The following WNT2 variants were observed in gnomAD, a reference collection of about 807,000 sequenced individuals.
The protein encoded by WNT2 is protein Wnt-2.
WNT2 carries 12 observed loss-of-function variants against 36.9 expected under a neutral mutation model. That is an observed-to-expected ratio of 0.33 (90% CI 0.21 to 0.53). The LOEUF is 0.53. WNT2 is among the 20% of genes least tolerant of loss of function. The probability of loss-of-function intolerance (pLI) is 0.95; values close to 1 mark genes in which losing one functional copy is unlikely to be tolerated. For synonymous variants in WNT2, 163 were observed against 174.6 expected (o/e 0.93, Z 0.52); for missense variants, 379 against 473.1 (o/e 0.80, Z 1.84).
chr7:117,303,727 G>C (rs1562827536), intron 3 of WNT2, among the ~76,000 whole-genome samples: 1 of 152,184 alleles, frequency 6.6e-6, no homozygotes. Context: ...ATTATTAACT[G>C]CACAGCCAAG....
At chr7:117,300,403 T>C (rs1794881519) in intron 3 of WNT2, among the ~76,000 whole-genome samples, 1 of 152,140 alleles carries the variant, frequency 6.6e-6, no homozygotes, top group African/African-American at 2.4e-5. Flanking sequence ...GCCAGGATGG[T>C]CTTGATCTCT....
chr7:117,311,036 A>T (rs1255604447), intron 3 of WNT2, among the ~76,000 whole-genome samples: 1 of 152,202 alleles, frequency 6.6e-6, no homozygotes, highest in African/African-American at 2.4e-5. Flanking sequence ...GTAATTCCTT[A>T]ATAAAATAAC....
chr7:117,305,281 G>A (rs565828833), intron 3 of WNT2, among the ~76,000 whole-genome samples: 3 of 152,228 alleles, frequency 2.0e-5, no homozygotes, highest in African/African-American at 7.2e-5. Flanking sequence ...TTTATCTTTT[G>A]GGCTTTTTGA....
chr7:117,319,399 AT>A (rs1470627121), intron 2 of WNT2, among the ~76,000 whole-genome samples: 28 of 151,944 alleles, frequency 1.8e-4, no homozygotes, highest in African/African-American at 6.5e-4. Context: ...CCCTTGGGGG[AT>A]TTTAGAGACA....
In WNT2 at chr7:117,319,062, G is replaced by T. The variant is rs113949992; in HGVS notation, c.310+1505C>A. On this transcript the variant is annotated intron_variant, in intron 2 of 4. Coordinates refer to ENST00000265441, the MANE Select transcript of WNT2 (RefSeq NM_003391.3). The stretch of plus-strand genomic sequence containing the variant: ...ATCTAATTTGAAATCATTGCAAAAT[G>T]GTTGTAAGCACTTTGAAAAAAAATC... Among the ~76,000 whole-genome samples, 1,239 of 152,094 alleles carry T rather than the reference G, an allele frequency of 8.1e-3. 23 individuals are homozygous for T. The highest frequency in any genetic ancestry group is 0.028 in the African/African-American group (1,170 of 41,478).
chr7:117,297,515 TA>T, intron 4 of WNT2, 96 bp downstream of exon 4: 2 of 1,446,298 alleles, frequency 1.4e-6, no homozygotes, highest in Non-Finnish European at 1.9e-6. Flanking sequence ...GCTTTGAACC[TA>T]AAGAGAGCAG....
intron 4 of WNT2, among the ~76,000 whole-genome samples, chr7:117,295,868 C>T (rs1046037115): frequency 3.3e-5 from 5 of 152,154 alleles, no homozygotes; most frequent in African/African-American, 1.2e-4. Context: ...AAGATGTGAA[C>T]GTGGTTCTTG....
intron 4 of WNT2, among the ~76,000 whole-genome samples, chr7:117,293,031 A>G (rs1794719580): frequency 6.6e-6 from 1 of 152,104 alleles, no homozygotes; most frequent in African/African-American, 2.4e-5. Flanking sequence ...CTCAGGTGAG[A>G]GGATCACTTG....
chr7:117,305,897 T>C (rs1360502395), intron 3 of WNT2, among the ~76,000 whole-genome samples: 2 of 152,180 alleles, frequency 1.3e-5, no homozygotes, highest in Non-Finnish European at 2.9e-5. Flanking sequence ...AATGACCGAC[T>C]TCCGCGGAGT....
In WNT2 at chr7:117,278,078, A is replaced by T; in HGVS notation, c.*77T>A. ...CCTTAGGAAATATCCCCCCAGAAAG[A>T]ACCCAAAGGTCCAGTGTTCTTGCAG... is the stretch of plus-strand genomic sequence containing the variant. On this transcript the variant is annotated 3_prime_UTR_variant, in exon 5 of 5. Transcript: ENST00000265441. The T allele has an allele frequency of 6.7e-6, 10 of 1,502,618 alleles. No individual in the cohort carries two copies. Among genetic ancestry groups the T allele is most frequent in the East Asian group, 2.3e-5 (1 of 44,004 alleles). The allele number at this position is 1,502,618 out of a possible 1,614,324, so 93.1% of individuals were successfully genotyped here.
chr7:117,308,495 T>C (rs1211348360), intron 3 of WNT2, among the ~76,000 whole-genome samples: 2 of 152,236 alleles, frequency 1.3e-5, no homozygotes, highest in African/African-American at 2.4e-5. Flanking sequence ...GACTTCTGGT[T>C]AGTTTTTGGT....
At chr7:117,320,380 A>G in intron 2 of WNT2, 187 bp downstream of exon 2, 1 of 621,026 alleles carries the variant, frequency 1.6e-6, no homozygotes, top group Non-Finnish European at 2.8e-6. Context: ...TTCACCTCTT[A>G]CAAACCTCTA....
At chr7:117,313,771 C>G (rs1021588663) in intron 3 of WNT2, among the ~76,000 whole-genome samples, 1 of 152,180 alleles carries the variant, frequency 6.6e-6, no homozygotes, top group Admixed American at 6.5e-5. Flanking sequence ...ACAGTAATTA[C>G]CAATAGTTGT....
intron 4 of WNT2, among the ~76,000 whole-genome samples, chr7:117,291,553 C>T (rs141015462): frequency 1.3e-3 from 192 of 152,288 alleles, no homozygotes; most frequent in African/African-American, 4.4e-3. Flanking sequence ...TCATCCCAGA[C>T]AGTCCAGCTT....
At chr7:117,297,503 G>C in intron 4 of WNT2, 109 bp downstream of exon 4, 2 of 1,355,788 alleles carry the variant, frequency 1.5e-6, no homozygotes, top group Non-Finnish European at 2.0e-6. Context: ...TAAGGATCGT[G>C]AGCTTTGAAC....
intron 4 of WNT2, among the ~76,000 whole-genome samples, chr7:117,294,114 A>T (rs1794743097): frequency 6.6e-6 from 1 of 152,092 alleles, no homozygotes; most frequent in African/African-American, 2.4e-5. Flanking sequence ...ACCCAGGCTG[A>T]GTTTGAACTC....
chr7:117,276,761 A>G lies in WNT2; in HGVS notation c.*1394T>C, dbSNP rs1324928997. The G allele has an allele frequency of 6.6e-6, 1 of 152,224 alleles. No individual in the cohort carries two copies. Among genetic ancestry groups the G allele is most frequent in the Non-Finnish European group, 1.5e-5 (1 of 68,040 alleles). 9.4% of individuals were successfully genotyped at this position (152,224 alleles called of 1,614,324 possible). On this transcript the variant is annotated 3_prime_UTR_variant, in exon 5 of 5. Coordinates refer to ENST00000265441, the MANE Select transcript of WNT2 (RefSeq NM_003391.3). ...TTCACCTTTCTTTCATTTAACATAA[A>G]AAAACGGTGCAGGCAGCCTCTCCAT...
intron 4 of WNT2, among the ~76,000 whole-genome samples, chr7:117,291,759 G>T (rs1794693584): frequency 6.6e-6 from 1 of 152,022 alleles, no homozygotes; most frequent in African/African-American, 2.4e-5. Context: ...TCCTTAATTG[G>T]TTTTTAAGCT....
chr7:117,314,467 C>A (rs923516928), intron 3 of WNT2, among the ~76,000 whole-genome samples: 1 of 152,148 alleles, frequency 6.6e-6, no homozygotes, highest in Non-Finnish European at 1.5e-5. Context: ...GACTGGAGCC[C>A]AGGAAGTTAG....
Sources: allele counts gnomAD v4.1 joint callset (sites outside exome capture counted in the v4.1 genomes callset), GRCh38; gene constraint gnomAD v4.1.1; transcripts MANE v1.5; gene names NCBI Gene and HGNC (gene_info 2026-07-23, HGNC 2026-07-21).